The following SETD2 variants were observed in gnomAD, a reference collection of about 807,000 sequenced individuals.
The protein encoded by SETD2 is SET domain containing 2, histone lysine methyltransferase.
SETD2 carries 31 observed loss-of-function variants against 242.1 expected under a neutral mutation model. The observed-to-expected ratio is 0.13, with a 90% confidence interval of 0.10 to 0.17. The LOEUF (loss-of-function observed/expected upper bound fraction) is 0.17. Ranked by LOEUF, SETD2 falls within the 10% of genes least tolerant of loss-of-function variation. The pLI is 1.00. For missense variants in SETD2, 2,481 were observed against 3,046.3 expected, an observed-to-expected ratio of 0.81 and a Z score of 4.37; for synonymous variants, 1,006 against 1,066.5, an observed-to-expected ratio of 0.94 and a Z score of 1.11.
chr3:47,155,238 A>C (rs1421758752), intron 1 of SETD2, among the ~76,000 whole-genome samples: 1 of 152,146 alleles, frequency 6.6e-6, no homozygotes, highest in East Asian at 1.9e-4. Context: ...AGGGTTACAA[A>C]TGTTAAAATG....
intron 8 of SETD2, among the ~76,000 whole-genome samples, chr3:47,100,891 T>C (rs2107681210): frequency 6.6e-6 from 1 of 150,662 alleles, no homozygotes; most frequent in East Asian, 2.0e-4. Context: ...GCGCCTGTAG[T>C]ACCAGCTGCT....
chr3:47,159,752 G>C (rs1159580315), intron 1 of SETD2, among the ~76,000 whole-genome samples: 5 of 152,092 alleles, frequency 3.3e-5, no homozygotes, highest in African/African-American at 1.2e-4. Context: ...CAAGGCAGGT[G>C]GATCATGAGG....
chr3:47,156,045 T>G (rs1392200596), intron 1 of SETD2, among the ~76,000 whole-genome samples: 1 of 152,038 alleles, frequency 6.6e-6, no homozygotes, highest in African/African-American at 2.4e-5. Flanking sequence ...CAAAGAACAA[T>G]TAGCAAATTG....
chr3:47,131,555 G>A (rs1257720354), intron 1 of SETD2, among the ~76,000 whole-genome samples: 1 of 152,024 alleles, frequency 6.6e-6, no homozygotes, highest in Non-Finnish European at 1.5e-5. Context: ...GTGTTAGCCA[G>A]GATGGTCTCG....
chr3:47,104,040 A>C (rs1055853833), intron 6 of SETD2, among the ~76,000 whole-genome samples: 1 of 152,148 alleles, frequency 6.6e-6, no homozygotes, highest in African/African-American at 2.4e-5. Flanking sequence ...AATCCCATGG[A>C]GAGTTTGTTA....
chr3:47,152,963 T>C (rs1398698069), intron 1 of SETD2, among the ~76,000 whole-genome samples: 1 of 152,194 alleles, frequency 6.6e-6, no homozygotes, highest in Admixed American at 6.5e-5. Context: ...ATCTTAAACC[T>C]CCATTGAAAT....
chr3:47,163,214 T>C (rs1697552013), intron 1 of SETD2, among the ~76,000 whole-genome samples: 1 of 152,166 alleles, frequency 6.6e-6, no homozygotes, highest in Non-Finnish European at 1.5e-5. Context: ...AAAACCCAAG[T>C]GCCAAAGGTG....
chr3:47,102,685 T>G (rs2042261565), intron 7 of SETD2, among the ~76,000 whole-genome samples: 1 of 149,824 alleles, frequency 6.7e-6, no homozygotes, highest in Admixed American at 6.7e-5. Flanking sequence ...TCCCAGCTAC[T>G]TGGGAGGCTG....
intron 1 of SETD2, among the ~76,000 whole-genome samples, chr3:47,152,764 C>G (rs192709949): frequency 3.3e-4 from 51 of 152,274 alleles, no homozygotes; most frequent in African/African-American, 1.1e-3. Flanking sequence ...AATTGGAAAC[C>G]ACCACTTGCT....
chr3:47,116,745 A>C lies in SETD2; in HGVS notation c.4464T>G (p.Asn1488Lys). 1.3e-6 allele frequency: 2 copies of C among 1,596,640 alleles called. No individual in the cohort carries two copies. The highest frequency in any genetic ancestry group is 1.7e-6 in the Non-Finnish European group (2 of 1,167,714). ...TTCGCTTAATATCTCGATGAGATTT[A>C]TTCTTCTTTCTATTGGGTAAAATTT... ...ENVYLTERKK[N>K]KSHRDIKRMQ... The change falls in exon 4 of 21, where the codon AAT becomes AAG. Residue 1488 changes from asparagine to lysine, a missense_variant. Asn to Lys is a moderately conservative substitution (Grantham distance 94, BLOSUM62 0). Around this residue, in one of 17 missense-constraint regions of SETD2, gnomAD observed 48 missense variants for 76.6 expected, o/e 0.63. Coordinates refer to ENST00000409792, the MANE Select transcript of SETD2 (RefSeq NM_014159.7).
At chr3:47,131,202 G>C (rs1197855146) in intron 1 of SETD2, among the ~76,000 whole-genome samples, 2 of 152,108 alleles carry the variant, frequency 1.3e-5, no homozygotes, top group Non-Finnish European at 2.9e-5. Flanking sequence ...AAGATTTACA[G>C]GACCATAGTA....
intron 1 of SETD2, among the ~76,000 whole-genome samples, chr3:47,152,225 T>G (rs746199477): frequency 1.3e-5 from 2 of 152,228 alleles, no homozygotes; most frequent in African/African-American, 2.4e-5. Flanking sequence ...AATGTTGTAT[T>G]GTACCTCAAA....
intron 1 of SETD2, among the ~76,000 whole-genome samples, chr3:47,129,016 T>G (rs2043416215): frequency 6.6e-6 from 1 of 152,194 alleles, no homozygotes; most frequent in Non-Finnish European, 1.5e-5. Flanking sequence ...AGTTCTATTT[T>G]GGACAGGCAG....
rs768299814 is a variant in SETD2, at chr3:47,123,062, T to G, written c.1574A>C (p.Glu525Ala). 6.2e-7 allele frequency: 1 copy of G among 1,613,896 alleles called. No individual in the cohort carries two copies. ...GGGAGAACAACATCTTTTAATTGCTTCATTTTCTGAAGTCCTTTTAGATTC... is the reference window on the plus strand; with the variant it reads ...GGGAGAACAACATCTTTTAATTGCTGCATTTTCTGAAGTCCTTTTAGATTC... ...ERESKRTSEN[E>A]AIKRCCSPPN... The change falls in exon 3 of 21, where the codon GAA becomes GCA. Residue 525 changes from glutamate to alanine, a missense_variant. By Grantham distance (107) the Glu-to-Ala change is moderately radical. Transcript: ENST00000409792.
intron 1 of SETD2, among the ~76,000 whole-genome samples, chr3:47,155,026 C>T (rs916537798): frequency 1.3e-5 from 2 of 151,718 alleles, no homozygotes; most frequent in South Asian, 2.1e-4. Flanking sequence ...TACTATCAGA[C>T]CCTGTTATTG....
In SETD2 at chr3:47,016,694, C is replaced by G. The variant is rs972683375; in HGVS notation, c.*399G>C. The G allele has an allele frequency of 4.2e-6, 1 of 239,308 alleles. No homozygotes were observed. The highest frequency in any genetic ancestry group is 6.0e-5 in the East Asian group (1 of 16,770). 14.8% of individuals were successfully genotyped at this position (239,308 alleles called of 1,614,324 possible). A position where few individuals can be genotyped will look rare whatever the true frequency, so the allele number is the denominator to read the frequency against. ...AAACCAAACAAAAACCAGGAAAAAA[C>G]AAATTATTTTCAATATATTCACATA... is the stretch of plus-strand genomic sequence containing the variant. On this transcript the variant is annotated 3_prime_UTR_variant, in exon 21 of 21. Coordinates refer to ENST00000409792, the MANE Select transcript of SETD2 (RefSeq NM_014159.7).
intron 9 of SETD2, among the ~76,000 whole-genome samples, chr3:47,097,192 C>T (rs2107672058): frequency 6.6e-6 from 1 of 152,240 alleles, no homozygotes; most frequent in Admixed American, 6.5e-5. Flanking sequence ...CCGGTAAACC[C>T]TCAGCCCTTC....
Position 47,123,972 on chromosome 3 carries a change from G to T in SETD2, c.664C>A (p.Leu222Ile), listed in dbSNP as rs192262279. ...VALPHTPITV[L>I]MAAPVPLPVD... Reference sequence around the variant, plus strand: ...GGTAAGGGTACTGGTGCTGCCATTAGAACTGTTATTGGTGTATGTGGCAAG... The same window carrying T: ...GGTAAGGGTACTGGTGCTGCCATTATAACTGTTATTGGTGTATGTGGCAAG... Residue 222 changes from leucine to isoleucine, a missense_variant, in exon 3 of 21, where the codon CTA becomes ATA. This residue lies in a region of SETD2 where 334 missense variants were observed against 374.5 expected (regional missense o/e 0.89). Coordinates refer to ENST00000409792, the MANE Select transcript of SETD2 (RefSeq NM_014159.7). 6.3e-5 allele frequency: 98 copies of T among 1,551,252 alleles called. No homozygotes were observed. In the African/African-American group the frequency reaches 1.2e-3, roughly 18 times the overall value.
Position 47,124,161 on chromosome 3 carries a change from T to C in SETD2, c.475A>G (p.Thr159Ala), listed in dbSNP as rs369333306. The change falls in exon 3 of 21, where the codon ACT becomes GCT. Residue 159 changes from threonine to alanine, a missense_variant. Physicochemically the swap from Thr to Ala is moderately conservative, Grantham distance 58. This residue lies in a region of SETD2 where 334 missense variants were observed against 374.5 expected (regional missense o/e 0.89). Transcript: ENST00000409792. ...LHVTSRPLLA[T>A]TTAVASPPTH... Reference sequence around the variant, plus strand: ...GGTGGAGATGCTACTGCTGTGGTAGTAGCCAGCAGTGGCCTGGATGTTACA... The same window carrying C: ...GGTGGAGATGCTACTGCTGTGGTAGCAGCCAGCAGTGGCCTGGATGTTACA... 37 of 1,551,818 alleles carry C rather than the reference T, an allele frequency of 2.4e-5. No individual in the cohort carries two copies. In the Middle Eastern group the frequency reaches 6.6e-4, roughly 28 times the overall value.
Sources: allele counts gnomAD v4.1 joint callset (sites outside exome capture counted in the v4.1 genomes callset), GRCh38; gene constraint gnomAD v4.1.1; regional missense constraint gnomAD v4.1.1; transcripts MANE v1.5; gene names NCBI Gene and HGNC (gene_info 2026-07-23, HGNC 2026-07-21).